The following MYO6 variants were observed in gnomAD, a reference collection of about 807,000 sequenced individuals.
The protein encoded by MYO6 is unconventional myosin-VI.
Under a neutral mutation model 178.7 loss-of-function variants are expected in MYO6, and 74 were observed. The observed-to-expected ratio is 0.41, with a 90% CI of 0.34 to 0.50. MYO6 has a LOEUF of 0.50. Ranked by LOEUF, MYO6 falls within the 20% of genes least tolerant of loss-of-function variation. The pLI, the probability that MYO6 is intolerant of heterozygous loss-of-function variation, is 0.09. For synonymous variants in MYO6, 477 were observed against 504.6 expected, an observed-to-expected ratio of 0.95 and a Z score of 0.73; for missense variants, 1,330 against 1,547.4, an observed-to-expected ratio of 0.86 and a Z score of 2.36.
intron 3 of MYO6, among the ~76,000 whole-genome samples, chr6:75,825,289 A>G (rs1194462165): frequency 1.3e-5 from 2 of 152,170 alleles, no homozygotes; most frequent in Non-Finnish European, 2.9e-5. Flanking sequence ...ATAATAAAGT[A>G]TAGAGTATAA....
At chr6:75,889,924 AAAAAACAAT>A in intron 25 of MYO6, 124 bp from the exon 26 acceptor site, 1 of 738,510 alleles carries the variant, frequency 1.4e-6, no homozygotes, top group South Asian at 1.8e-5. Context: ...TTTAAATTGT[AAAAAACAAT>A]AAAAACATTA....
At chr6:75,860,982 C>T (rs775713094) in intron 14 of MYO6, 41 bp from the exon 15 acceptor site, 1 of 1,350,250 alleles carries the variant, frequency 7.4e-7, no homozygotes, top group South Asian at 1.2e-5. Flanking sequence ...CACTATTGCT[C>T]AGTATTGCTG....
chr6:75,908,445 A>G, intron 31 of MYO6, 51 bp from the exon 32 acceptor site: 10 of 1,566,354 alleles, frequency 6.4e-6, no homozygotes, highest in Non-Finnish European at 8.8e-6. Context: ...ATTATGTTAG[A>G]CGAATAAATT....
At chr6:75,833,415 A>G (rs1773327567) in intron 6 of MYO6, among the ~76,000 whole-genome samples, 2 of 152,250 alleles carry the variant, frequency 1.3e-5, no homozygotes, top group Admixed American at 6.5e-5. Flanking sequence ...TACCATCTCC[A>G]GAACTTTCAT....
At chr6:75,842,591 A>G (rs1310766133) in intron 9 of MYO6, among the ~76,000 whole-genome samples, 1 of 152,214 alleles carries the variant, frequency 6.6e-6, no homozygotes, top group Non-Finnish European at 1.5e-5. Context: ...ATCTCTTTAT[A>G]TACTTCTAAA....
intron 11 of MYO6, among the ~76,000 whole-genome samples, chr6:75,850,050 G>C (rs539801968): frequency 6.6e-6 from 1 of 152,202 alleles, no homozygotes; most frequent in East Asian, 1.9e-4. Context: ...TGCTGTTATA[G>C]CTTTCTTGGG....
chr6:75,892,261 G>A (rs1306530041), intron 27 of MYO6, among the ~76,000 whole-genome samples: 4 of 152,092 alleles, frequency 2.6e-5, no homozygotes, highest in African/African-American at 9.7e-5. Flanking sequence ...GTGATGTTTG[G>A]GACACTAATA....
intron 1 of MYO6, among the ~76,000 whole-genome samples, chr6:75,817,075 G>A (rs1004148637): frequency 2.0e-5 from 3 of 152,154 alleles, no homozygotes; most frequent in Non-Finnish European, 4.4e-5. Context: ...GGAGGCCGAG[G>A]CAGGCGGATC....
chr6:75,827,093 G>A (rs1160922001), intron 3 of MYO6, among the ~76,000 whole-genome samples: 1 of 152,118 alleles, frequency 6.6e-6, no homozygotes, highest in Non-Finnish European at 1.5e-5. Flanking sequence ...TTTCAATGAG[G>A]GATCAAACAA....
chr6:75,796,656 C>T (rs1369465286), intron 1 of MYO6, among the ~76,000 whole-genome samples: 3 of 139,882 alleles, frequency 2.1e-5, no homozygotes, highest in Non-Finnish European at 3.0e-5. Context: ...TTAATTGAGA[C>T]GAAGTCTCAC....
chr6:75,908,481 C>A lies in MYO6; in HGVS notation c.3281-15C>A. 6.3e-7 allele frequency: 1 copy of A among 1,589,922 alleles called. No individual in the cohort carries two copies. The highest frequency in any genetic ancestry group is 1.2e-5 in the South Asian group (1 of 86,756). On this transcript the variant is annotated splice_polypyrimidine_tract_variant and intron_variant, in intron 31 of 34. Coordinates refer to ENST00000369977, the MANE Select transcript of MYO6 (RefSeq NM_004999.4). ...AACATGTCAATTTTTTTTTTTTGCT[C>A]AATGTAATCAATAGATATTGAGCTC...
At chr6:75,787,728 CTCTATATATATA>C (rs1232779464) in intron 1 of MYO6, among the ~76,000 whole-genome samples, 24 of 16,376 alleles carry the variant, frequency 1.5e-3, no homozygotes, top group East Asian at 4.3e-3. Context: ...CTCTCTCTCT[CTCTATATATATA>C]TATATATATA....
chr6:75,885,128 A>G (rs1778330064), intron 23 of MYO6, among the ~76,000 whole-genome samples: 1 of 152,204 alleles, frequency 6.6e-6, no homozygotes. Context: ...AGCAAGATGG[A>G]GTTGGTTAGG....
chr6:75,765,758 T>A (rs1422640780), intron 1 of MYO6, among the ~76,000 whole-genome samples: 3 of 151,900 alleles, frequency 2.0e-5, no homozygotes, highest in Non-Finnish European at 4.4e-5. Context: ...CTAGGCTCAG[T>A]GATTTATGCC....
At chr6:75,880,315 A>G (rs1237377617) in intron 22 of MYO6, among the ~76,000 whole-genome samples, 195 bp downstream of exon 22, 2 of 152,216 alleles carry the variant, frequency 1.3e-5, no homozygotes, top group African/African-American at 4.8e-5. Flanking sequence ...TATAATGTTC[A>G]TAATTTGTTT....
chr6:75,790,609 C>T (rs1489766181), intron 1 of MYO6, among the ~76,000 whole-genome samples: 2 of 152,124 alleles, frequency 1.3e-5, no homozygotes, highest in East Asian at 3.9e-4. Flanking sequence ...GAACTCCTGA[C>T]CTCGAGTGAT....
At chr6:75,850,553 TA>T in intron 11 of MYO6, among the ~76,000 whole-genome samples, 1 of 152,342 alleles carries the variant, frequency 6.6e-6, no homozygotes, top group East Asian at 1.9e-4. Flanking sequence ...ATGAACAGAC[TA>T]AAACAGATGT....
In MYO6 at chr6:75,861,184, A is replaced by G. The variant is rs1583296750; in HGVS notation, c.1546+89A>G. 16 of 1,035,224 alleles carry G rather than the reference A, an allele frequency of 1.5e-5. No homozygotes were observed. The East Asian group carries it at 3.6e-4, about 23-fold the overall frequency. 64.1% of individuals were successfully genotyped at this position (1,035,224 alleles called of 1,614,324 possible). ...TTTTCTGTGCTTTTTAATTGACATT[A>G]CTTGTTATATGACTTGAAACTGGTA... On this transcript the variant is annotated intron_variant, in intron 15 of 34. Coordinates refer to ENST00000369977, the MANE Select transcript of MYO6 (RefSeq NM_004999.4).
At chr6:75,914,750 A>G in intron 34 of MYO6, 63 bp from the exon 35 acceptor site, 1 of 1,499,278 alleles carries the variant, frequency 6.7e-7, no homozygotes, top group East Asian at 2.3e-5. Context: ...TTTCAGGCAT[A>G]CAACTGGTAA....
Sources: gnomAD v4.1 joint callset for allele counts (sites outside exome capture counted in the v4.1 genomes callset) on GRCh38, gnomAD v4.1.1 for gene constraint, MANE v1.5 for transcripts, NCBI Gene and HGNC (gene_info 2026-07-23, HGNC 2026-07-21) for gene names.